NRXN3: variants seen among roughly 807,000 people sequenced by gnomAD.
NRXN3 encodes neurexin III.
NRXN3 carries 32 observed loss-of-function variants against 137.6 expected under a neutral mutation model. The observed-to-expected ratio is 0.23, with a 90% CI of 0.18 to 0.31. NRXN3 has a LOEUF of 0.31. Among genes scored for constraint, NRXN3 ranks in the 10% least tolerant of loss-of-function variants. The pLI, the probability that NRXN3 is intolerant of heterozygous loss-of-function variation, is 1.00. For missense variants in NRXN3, 1,574 were observed against 2,062.5 expected (o/e 0.76, Z 4.59); for synonymous variants, 798 against 784.5 (o/e 1.02, Z -0.29).
chr14:78,814,285 C>T (rs924768186), intron 10 of NRXN3, among the ~76,000 whole-genome samples: 2 of 152,090 alleles, frequency 1.3e-5, no homozygotes, highest in Non-Finnish European at 2.9e-5. Context: ...GCCATCATGG[C>T]GAATTGAACT....
intron 7 of NRXN3, among the ~76,000 whole-genome samples, chr14:78,712,755 G>A (rs1340982315): frequency 6.6e-6 from 1 of 152,084 alleles, no homozygotes. Context: ...TAAAGATGGG[G>A]TTTCACCATG....
At chr14:79,527,653 A>T in intron 16 of NRXN3, among the ~76,000 whole-genome samples, 1 of 151,956 alleles carries the variant, frequency 6.6e-6, no homozygotes, top group East Asian at 1.9e-4. Flanking sequence ...TGGGAGGATC[A>T]CTTGAGTTCA....
At chr14:79,587,673 A>C (rs1051515922) in intron 16 of NRXN3, among the ~76,000 whole-genome samples, 3 of 152,238 alleles carry the variant, frequency 2.0e-5, no homozygotes, top group African/African-American at 7.2e-5. Flanking sequence ...GTGTGTGTAA[A>C]TACCCAATTT....
chr14:78,336,276 A>T (rs1471993981), intron 4 of NRXN3, among the ~76,000 whole-genome samples: 1 of 152,150 alleles, frequency 6.6e-6, no homozygotes, highest in Non-Finnish European at 1.5e-5. Flanking sequence ...GATTATCTTT[A>T]ATGTGTTAAT....
chr14:79,711,331 G>T (rs1205307509), intron 19 of NRXN3, among the ~76,000 whole-genome samples: 1 of 152,110 alleles, frequency 6.6e-6, no homozygotes, highest in Admixed American at 6.6e-5. Flanking sequence ...ATTGCTCAAA[G>T]CTCTACGTCC....
chr14:78,369,257 A>G (rs1256556559), intron 4 of NRXN3, among the ~76,000 whole-genome samples: 1 of 152,070 alleles, frequency 6.6e-6, no homozygotes, highest in African/African-American at 2.4e-5. Flanking sequence ...TACCAGATGC[A>G]GTAGTGCTTT....
chr14:78,214,538 C>T (rs576398793), intron 1 of NRXN3, among the ~76,000 whole-genome samples: 12 of 152,196 alleles, frequency 7.9e-5, no homozygotes, highest in East Asian at 3.9e-4. Flanking sequence ...GCCTCCATGC[C>T]GGACACACTC....
intron 15 of NRXN3, among the ~76,000 whole-genome samples, chr14:79,184,909 T>C (rs1000111480): frequency 1.3e-5 from 2 of 152,220 alleles, no homozygotes; most frequent in Non-Finnish European, 2.9e-5. Flanking sequence ...ACAAATACTT[T>C]GCTTGGTCCT....
intron 4 of NRXN3, among the ~76,000 whole-genome samples, chr14:78,313,557 T>A (rs1258667460): frequency 6.6e-6 from 1 of 152,156 alleles, no homozygotes; most frequent in Admixed American, 6.6e-5. Flanking sequence ...TTATCCCCAT[T>A]TTCACAGGCA....
In NRXN3 at chr14:78,714,869, C is replaced by G; in HGVS notation, c.1774C>G (p.Leu592Val). Residue 592 changes from leucine to valine, a missense_variant, in exon 8 of 21, where the codon CTT becomes GTT. Physicochemically the swap from Leu to Val is conservative, Grantham distance 32 (BLOSUM62 1). Transcript: ENST00000335750. ...LGGLPENRAG[L>V]ILPTELWTAM... ...AGGGCTGCCGGAGAACCGTGCTGGCCTTATTCTCCCCACCGAGCTGTGGAC... is the reference window on the plus strand; with the variant it reads ...AGGGCTGCCGGAGAACCGTGCTGGCGTTATTCTCCCCACCGAGCTGTGGAC... 1 of 1,614,158 alleles carries G rather than the reference C, an allele frequency of 6.2e-7. No individual in the cohort carries two copies. Among genetic ancestry groups the G allele is most frequent in the Non-Finnish European group, 8.5e-7 (1 of 1,180,024 alleles).
At chr14:78,334,050 A>C (rs1314235054) in intron 4 of NRXN3, among the ~76,000 whole-genome samples, 1 of 152,164 alleles carries the variant, frequency 6.6e-6, no homozygotes, top group Non-Finnish European at 1.5e-5. Flanking sequence ...GAGAACTCCA[A>C]GGTATTTATC....
chr14:79,770,018 A>G (rs368074065), intron 19 of NRXN3, among the ~76,000 whole-genome samples: 11 of 150,044 alleles, frequency 7.3e-5, no homozygotes, highest in South Asian at 2.1e-4. Context: ...AGATCAAAAG[A>G]GACAAAGAAG....
At chr14:79,528,386 A>G (rs1414635733) in intron 16 of NRXN3, among the ~76,000 whole-genome samples, 1 of 152,190 alleles carries the variant, frequency 6.6e-6, no homozygotes, top group African/African-American at 2.4e-5. Flanking sequence ...ATATTTTAGA[A>G]GAATATTTAA....
intron 15 of NRXN3, among the ~76,000 whole-genome samples, chr14:79,450,455 T>C (rs1434030864): frequency 6.6e-6 from 1 of 152,172 alleles, no homozygotes; most frequent in Admixed American, 6.5e-5. Flanking sequence ...AAATAATAAG[T>C]ATCTGAGGTG....
At chr14:78,364,506 T>C (rs1460993635) in intron 4 of NRXN3, among the ~76,000 whole-genome samples, 2 of 152,250 alleles carry the variant, frequency 1.3e-5, no homozygotes, top group Non-Finnish European at 2.9e-5. Context: ...GAATATATTT[T>C]TACCTATTTT....
chr14:78,763,263 C>G (rs2098698617), intron 8 of NRXN3, among the ~76,000 whole-genome samples: 1 of 152,134 alleles, frequency 6.6e-6, no homozygotes, highest in Non-Finnish European at 1.5e-5. Flanking sequence ...GATAATGGCA[C>G]AAATGCTGAC....
chr14:78,171,502 G>C (rs111706951), intron 1 of NRXN3, among the ~76,000 whole-genome samples: 227 of 152,240 alleles, frequency 1.5e-3, no homozygotes, highest in African/African-American at 5.1e-3. Context: ...CAAGCTCTCA[G>C]TGACCTTAAA....
chr14:79,629,349 A>G (rs2098317811), intron 16 of NRXN3, among the ~76,000 whole-genome samples: 1 of 152,216 alleles, frequency 6.6e-6, no homozygotes, highest in African/African-American at 2.4e-5. Flanking sequence ...AGCATTTACA[A>G]TGCTCATCTT....
At chr14:78,978,275 C>T (rs1025317085) in intron 14 of NRXN3, among the ~76,000 whole-genome samples, 3 of 152,038 alleles carry the variant, frequency 2.0e-5, no homozygotes, top group African/African-American at 7.2e-5. Context: ...AAAGCATGAT[C>T]TTGGGAATAC....
Sources: allele counts gnomAD v4.1 joint callset (sites outside exome capture counted in the v4.1 genomes callset), GRCh38; gene constraint gnomAD v4.1.1; transcripts MANE v1.5; gene names NCBI Gene and HGNC (gene_info 2026-07-23, HGNC 2026-07-21).